PACRG: variants seen among roughly 807,000 people sequenced by gnomAD.
PACRG encodes the protein parkin coregulated gene protein.
Under a neutral mutation model 29.7 loss-of-function variants are expected in PACRG, and 29 were observed. The ratio of observed to expected loss-of-function variants is 0.98; its 90% CI spans 0.73 to 1.33. The LOEUF is 1.33. PACRG is among the 40% of genes most tolerant of loss of function. The pLI, the probability that PACRG is intolerant of heterozygous loss-of-function variation, is 0.00. For missense variants in PACRG, 279 were observed against 316.2 expected, an observed-to-expected ratio of 0.88 and a Z score of 0.89; for synonymous variants, 116 against 118.7, an observed-to-expected ratio of 0.98 and a Z score of 0.15.
intron 2 of PACRG, among the ~76,000 whole-genome samples, chr6:162,856,967 G>A (rs1251688009): frequency 6.6e-6 from 1 of 152,152 alleles, no homozygotes; most frequent in Non-Finnish European, 1.5e-5. Context: ...AAGTAGAGTT[G>A]CCAGTAGGTG....
intron 3 of PACRG, among the ~76,000 whole-genome samples, chr6:163,086,383 CTAATT>C (rs1813558702): frequency 6.6e-6 from 1 of 152,130 alleles, no homozygotes; most frequent in Non-Finnish European, 1.5e-5. Flanking sequence ...TGATAGCATT[CTAATT>C]TTAGTTGTTT....
intron 3 of PACRG, among the ~76,000 whole-genome samples, chr6:163,077,865 G>C (rs1469242790): frequency 1.3e-5 from 2 of 152,178 alleles, no homozygotes; most frequent in African/African-American, 4.8e-5. Flanking sequence ...GCCTCGCCCT[G>C]TATGAACAGG....
At position 162,782,363 on chromosome 6, in the gene PACRG, C is replaced by A. The variant is rs139838830; in HGVS notation, c.157-31784C>A. ...GGATGTAGGCAATTATTATAACAAACATTTTTTATTACAAAAGATGTGAAA... is the reference window on the plus strand; with the variant it reads ...GGATGTAGGCAATTATTATAACAAAAATTTTTTATTACAAAAGATGTGAAA... On this transcript the variant is annotated intron_variant, in intron 1 of 4. Coordinates refer to ENST00000366888, the MANE Select transcript of PACRG (RefSeq NM_001080379.2). Among the ~76,000 whole-genome samples the A allele has an allele frequency of 2.6e-5, 4 of 151,926 alleles. No homozygotes were observed. The East Asian group carries it at 7.7e-4, about 29-fold the overall frequency.
intron 4 of PACRG, among the ~76,000 whole-genome samples, chr6:163,176,786 CGTGA>C (rs1779381672): frequency 1.3e-5 from 2 of 152,146 alleles, no homozygotes; most frequent in South Asian, 4.1e-4. Flanking sequence ...AAGGAAATAG[CGTGA>C]GTAACGTCTT....
Position 163,134,425 on chromosome 6 carries a change from T to G in PACRG, c.613+45017T>G, listed in dbSNP as rs1003513091. On this transcript the variant is annotated intron_variant, in intron 4 of 4. Transcript: ENST00000366888. ...GTCTCCAATGGGCGTTGAAGAGACT[T>G]AAGCCACGCATAGAGCCCTTCTAAG... Among the ~76,000 whole-genome samples the G allele has an allele frequency of 2.0e-5, 3 of 152,178 alleles. No individual in the cohort carries two copies. The South Asian group carries it at 6.2e-4, about 31-fold the overall frequency.
At chr6:163,309,904 A>C (rs1159286253) in intron 4 of PACRG, 2 of 152,248 alleles carry the variant, frequency 1.3e-5, no homozygotes, top group African/African-American at 4.8e-5. Flanking sequence ...GGATTTTCTT[A>C]GTCATTACGA....
At chr6:162,847,163 C>T (rs947483469) in intron 2 of PACRG, among the ~76,000 whole-genome samples, 10 of 152,270 alleles carry the variant, frequency 6.6e-5, no homozygotes, top group African/African-American at 2.4e-4. Flanking sequence ...GCTTCACACA[C>T]TGACCACCTT....
At position 162,745,788 on chromosome 6, in the gene PACRG, G is replaced by A. The variant is rs531020720; in HGVS notation, c.156+17397G>A. Among the ~76,000 whole-genome samples the A allele has an allele frequency of 2.0e-5, 3 of 152,254 alleles. No homozygotes were observed. The East Asian group carries it at 5.8e-4, about 29-fold the overall frequency. On this transcript the variant is annotated intron_variant, in intron 1 of 4. Coordinates refer to ENST00000366888, the MANE Select transcript of PACRG (RefSeq NM_001080379.2). The stretch of plus-strand genomic sequence containing the variant: ...TTAGTTAGTCTGTGGTAGTGAAGAA[G>A]TGTTCTGCTTAGGGAGAGATTTATT...
At chr6:163,076,108 C>A (rs1248551507) in intron 3 of PACRG, among the ~76,000 whole-genome samples, 1 of 152,192 alleles carries the variant, frequency 6.6e-6, no homozygotes, top group Non-Finnish European at 1.5e-5. Flanking sequence ...CATTTTACAG[C>A]CCCTGGATTC....
chr6:162,796,468 T>C (rs1330195794), intron 1 of PACRG, among the ~76,000 whole-genome samples: 1 of 152,182 alleles, frequency 6.6e-6, no homozygotes, highest in Non-Finnish European at 1.5e-5. Context: ...ACTGTTTATT[T>C]TGTTTTTATG....
intron 2 of PACRG, among the ~76,000 whole-genome samples, chr6:162,891,748 C>T (rs1794775660): frequency 6.6e-6 from 1 of 152,074 alleles, no homozygotes; most frequent in Non-Finnish European, 1.5e-5. Context: ...ACAAATCATG[C>T]ATGGAACCAT....
At chr6:162,780,143 G>C (rs1419142303) in intron 1 of PACRG, among the ~76,000 whole-genome samples, 1 of 152,182 alleles carries the variant, frequency 6.6e-6, no homozygotes, top group Non-Finnish European at 1.5e-5. Flanking sequence ...ACCTAAAATA[G>C]TAAGGTGGAA....
intron 2 of PACRG, among the ~76,000 whole-genome samples, chr6:162,938,047 C>A (rs1360840296): frequency 6.6e-6 from 1 of 152,134 alleles, no homozygotes; most frequent in Non-Finnish European, 1.5e-5. Flanking sequence ...TCCCTCACCC[C>A]CTTCCCATCC....
intron 2 of PACRG, among the ~76,000 whole-genome samples, chr6:162,888,626 G>A (rs1044881394): frequency 1.3e-5 from 2 of 152,106 alleles, no homozygotes; most frequent in African/African-American, 4.8e-5. Context: ...CAGCTTACAG[G>A]AAAGGTGGAG....
At chr6:163,141,153 T>C (rs1051597932) in intron 4 of PACRG, among the ~76,000 whole-genome samples, 5 of 151,950 alleles carry the variant, frequency 3.3e-5, no homozygotes, top group African/African-American at 9.7e-5. Flanking sequence ...CACAAGGCAG[T>C]GGGTTGATAT....
Position 163,269,867 on chromosome 6 carries a change from GAGAA to G in PACRG, c.614-44938_614-44935del, listed in dbSNP as rs767222690. 7.9e-4 allele frequency among the ~76,000 whole-genome samples: 45 copies of G among 56,760 alleles called. 10 individuals are homozygous for G. The highest frequency in any genetic ancestry group is 2.3e-3 in the South Asian group (4 of 1,776). 37.2% of individuals were successfully genotyped at this position (56,760 alleles called of 152,430 possible). On this transcript the variant is annotated intron_variant, in intron 4 of 4. Coordinates refer to ENST00000366888, the MANE Select transcript of PACRG (RefSeq NM_001080379.2). The stretch of plus-strand genomic sequence containing the variant: ...AAAGAAAGAAAGAAAGAGAAAGAAA[GAGAA>G]AGAAAGAAAGAAAGAAAGAAAACAA...
At chr6:163,258,551 A>T (rs1240479667) in intron 4 of PACRG, among the ~76,000 whole-genome samples, 1 of 152,056 alleles carries the variant, frequency 6.6e-6, no homozygotes, top group African/African-American at 2.4e-5. Flanking sequence ...AGGTCAGGAG[A>T]TCGAAACCAT....
chr6:163,148,048 T>G (rs796876926), intron 4 of PACRG, among the ~76,000 whole-genome samples: 17 of 152,344 alleles, frequency 1.1e-4, no homozygotes, highest in African/African-American at 4.1e-4. Context: ...GGCAGGAAAC[T>G]CACTCTGAGG....
At chr6:163,143,069 A>G (rs1777619882) in intron 4 of PACRG, among the ~76,000 whole-genome samples, 1 of 152,182 alleles carries the variant, frequency 6.6e-6, no homozygotes, top group African/African-American at 2.4e-5. Flanking sequence ...GTTAAAAGGA[A>G]TATGTTAACG....
Sources: gnomAD v4.1 joint callset for allele counts (sites outside exome capture counted in the v4.1 genomes callset) on GRCh38, gnomAD v4.1.1 for gene constraint, MANE v1.5 for transcripts, NCBI Gene and HGNC (gene_info 2026-07-23, HGNC 2026-07-21) for gene names.